Variants in TFPI observed in about 807,000 individuals in gnomAD.
TFPI encodes tissue factor pathway inhibitor.
In TFPI, 15 loss-of-function variants were observed where a neutral mutation model predicts 34.6. The observed-to-expected ratio is 0.43, with a 90% CI of 0.29 to 0.67. The LOEUF is 0.67. TFPI is among the 30% of genes least tolerant of loss of function. The pLI is 0.15. For missense variants in TFPI, 301 were observed against 364.0 expected (o/e 0.83, Z 1.41); for synonymous variants, 105 against 120.1 (o/e 0.87, Z 0.82).
In TFPI at chr2:187,503,632, G is replaced by A. The variant is rs988596853; in HGVS notation, c.121+16C>T. On this transcript the variant is annotated intron_variant, in intron 2 of 7. Coordinates refer to ENST00000233156, the MANE Select transcript of TFPI (RefSeq NM_006287.6). ...CTTTAACTAGCTTAAAAAGATAATT[G>A]CTTCTAATATTTTACCTGTGATAAT... 3.7e-6 allele frequency: 6 copies of A among 1,607,986 alleles called. No homozygotes were observed. In the African/African-American group the frequency reaches 6.7e-5, roughly 18 times the overall value.
chr2:187,471,369 A>G (rs916796771), intron 6 of TFPI, among the ~76,000 whole-genome samples: 2 of 152,166 alleles, frequency 1.3e-5, no homozygotes, highest in African/African-American at 4.8e-5. Flanking sequence ...TTGTTTCCAA[A>G]TAGCAAATTT....
chr2:187,490,718 TTAATC>T (rs1437264213), intron 3 of TFPI, among the ~76,000 whole-genome samples: 1 of 150,916 alleles, frequency 6.6e-6, no homozygotes, highest in Non-Finnish European at 1.5e-5. Context: ...AAATTTTAAT[TTAATC>T]TAATTATCAT....
At chr2:187,533,368 A>C (rs1574510377) in intron 1 of TFPI, among the ~76,000 whole-genome samples, 1 of 152,180 alleles carries the variant, frequency 6.6e-6, no homozygotes, top group African/African-American at 2.4e-5. Context: ...CAGAGGAAGG[A>C]ATAGCAGTAA....
intron 1 of TFPI, chr2:187,526,700 C>G (rs1274492217): frequency 6.6e-6 from 1 of 151,998 alleles, no homozygotes; most frequent in Admixed American, 6.6e-5. Context: ...TCTAAAGTTT[C>G]TAGTTCAGAT....
chr2:187,484,685 A>G (rs1693128344), intron 5 of TFPI, 126 bp downstream of exon 5: 2 of 763,060 alleles, frequency 2.6e-6, no homozygotes, highest in Non-Finnish European at 4.0e-6. Flanking sequence ...CTCACATTGA[A>G]TGCACACAAA....
intron 3 of TFPI, among the ~76,000 whole-genome samples, chr2:187,493,586 T>G (rs2106065510): frequency 6.6e-6 from 1 of 152,326 alleles, no homozygotes; most frequent in South Asian, 2.1e-4. Flanking sequence ...GCTGCAAATT[T>G]TCCATACTTT....
intron 3 of TFPI, 28 bp from the exon 4 acceptor site, chr2:187,488,403 A>G (rs763381764): frequency 5.1e-6 from 7 of 1,381,054 alleles, no homozygotes; most frequent in Middle Eastern, 1.9e-4. Context: ...TATGCATATC[A>G]ATTGTCACAA....
At chr2:187,483,405 T>A (rs1302299287) in intron 6 of TFPI, among the ~76,000 whole-genome samples, 1 of 151,996 alleles carries the variant, frequency 6.6e-6, no homozygotes, top group Non-Finnish European at 1.5e-5. Context: ...AATATCTGAA[T>A]AAGAATATGT....
chr2:187,508,183 T>C (rs1686361626), intron 1 of TFPI, among the ~76,000 whole-genome samples: 1 of 152,248 alleles, frequency 6.6e-6, no homozygotes, highest in Admixed American at 6.5e-5. Context: ...TCTGTTTTGC[T>C]ACCTGTACCA....
intron 1 of TFPI, among the ~76,000 whole-genome samples, chr2:187,525,555 T>A (rs917216089): frequency 1.3e-5 from 2 of 152,084 alleles, no homozygotes; most frequent in African/African-American, 4.8e-5. Context: ...AGGGGCTGAA[T>A]TGTGTCCCCT....
intron 1 of TFPI, among the ~76,000 whole-genome samples, chr2:187,549,410 A>C (rs748288628): frequency 5.9e-5 from 9 of 152,086 alleles, no homozygotes; most frequent in Non-Finnish European, 1.3e-4. Flanking sequence ...TTCTGCTAAA[A>C]CTCTAGGTAA....
intron 1 of TFPI, among the ~76,000 whole-genome samples, chr2:187,522,109 A>G (rs1030611956): frequency 1.3e-5 from 2 of 152,006 alleles, no homozygotes; most frequent in Non-Finnish European, 2.9e-5. Flanking sequence ...TTCCTTATGT[A>G]TCTTGGAAAT....
intron 3 of TFPI, among the ~76,000 whole-genome samples, chr2:187,492,203 T>G (rs938229109): frequency 6.6e-6 from 1 of 152,150 alleles, no homozygotes; most frequent in Non-Finnish European, 1.5e-5. Flanking sequence ...TTAAGTTACT[T>G]GTGGATCAAC....
chr2:187,488,778 T>G (rs1456589168), intron 3 of TFPI, among the ~76,000 whole-genome samples: 1 of 151,418 alleles, frequency 6.6e-6, no homozygotes, highest in Admixed American at 6.6e-5. Flanking sequence ...AAAAGTGAAA[T>G]TAACCAGAAT....
intron 1 of TFPI, among the ~76,000 whole-genome samples, chr2:187,532,341 C>T (rs1239889478): frequency 6.6e-6 from 1 of 152,198 alleles, no homozygotes; most frequent in African/African-American, 2.4e-5. Flanking sequence ...GAGATCAATG[C>T]AGAAGGTGCG....
chr2:187,515,273 A>G (rs1222501729), intron 1 of TFPI: 1 of 152,226 alleles, frequency 6.6e-6, no homozygotes, highest in Non-Finnish European at 1.5e-5. Flanking sequence ...ACCAAAGGAC[A>G]TCATTGGCTA....
chr2:187,498,490 T>G (rs988381610), intron 2 of TFPI, among the ~76,000 whole-genome samples: 1 of 151,838 alleles, frequency 6.6e-6, no homozygotes, highest in Non-Finnish European at 1.5e-5. Flanking sequence ...AGTCATAAAA[T>G]TGTAAGTAGC....
Position 187,493,295 on chromosome 2 carries a change from C to A in TFPI, c.319+3586G>T, listed in dbSNP as rs140145885. Among the ~76,000 whole-genome samples, 18 of 152,230 alleles carry A rather than the reference C, an allele frequency of 1.2e-4. No individual in the cohort carries two copies. The East Asian group carries it at 3.5e-3, about 29-fold the overall frequency. Reference sequence around the variant, plus strand: ...AGCTCTGGCCCTAGCTCTACGTTGACCCCTTTCAATCATGGCTGGAGTGGC... The same window carrying A: ...AGCTCTGGCCCTAGCTCTACGTTGAACCCTTTCAATCATGGCTGGAGTGGC... On this transcript the variant is annotated intron_variant, in intron 3 of 7. Transcript: ENST00000233156.
chr2:187,484,976 A>G lies in TFPI; in HGVS notation c.370T>C (p.Phe124Leu), dbSNP rs1179809359. Reference protein sequence around the residue: ...KTTLQQEKPDFCFLEEDPGIC... With the variant: ...KTTLQQEKPDLCFLEEDPGIC... Reference sequence around the variant, plus strand: ...CCAGGATCTTCTTCCAAAAAGCAGAAATCTGGCTTTTCTAGAAATTATAAA... The same window carrying G: ...CCAGGATCTTCTTCCAAAAAGCAGAGATCTGGCTTTTCTAGAAATTATAAA... Residue 124 changes from phenylalanine (F) to leucine (L), a missense_variant, in exon 5 of 8, where the codon TTC becomes CTC. Transcript: ENST00000233156. The G allele has an allele frequency of 6.8e-7, 1 of 1,478,430 alleles. No homozygotes were observed. The highest frequency in any genetic ancestry group is 9.0e-7 in the Non-Finnish European group (1 of 1,114,848). 91.6% of individuals were successfully genotyped at this position (1,478,430 alleles called of 1,614,324 possible). A position where few individuals can be genotyped will look rare whatever the true frequency, so the allele number is the denominator to read the frequency against.
Sources: allele counts gnomAD v4.1 joint callset (sites outside exome capture counted in the v4.1 genomes callset), GRCh38; gene constraint gnomAD v4.1.1; transcripts MANE v1.5; gene names NCBI Gene and HGNC (gene_info 2026-07-23, HGNC 2026-07-21).